GNA12: variants seen among roughly 807,000 people sequenced by gnomAD.
GNA12 encodes guanine nucleotide-binding protein subunit alpha-12.
GNA12 carries 9 observed loss-of-function variants against 26.0 expected under a neutral mutation model. The ratio of observed to expected loss-of-function variants is 0.35; its 90% CI spans 0.21 to 0.60. GNA12 has a LOEUF of 0.60. GNA12 is among the 20% of genes least tolerant of loss of function. The pLI is 0.78. For synonymous variants in GNA12, 264 were observed against 219.6 expected (o/e 1.20, Z -1.79); for missense variants, 405 against 525.8 (o/e 0.77, Z 2.25).
intron 2 of GNA12, among the ~76,000 whole-genome samples, chr7:2,749,020 G>A (rs1017041025): frequency 7.2e-5 from 11 of 152,316 alleles, no homozygotes; most frequent in African/African-American, 2.2e-4. Context: ...AACAGGTGCT[G>A]GAGAGGATGT....
chr7:2,747,804 C>A (rs1433154961), intron 2 of GNA12, among the ~76,000 whole-genome samples: 1 of 152,198 alleles, frequency 6.6e-6, no homozygotes, highest in South Asian at 2.1e-4. Context: ...TCTCCTTAAG[C>A]TGATAAGCAA....
chr7:2,837,481 C>G (rs1031782240), intron 1 of GNA12, among the ~76,000 whole-genome samples: 1 of 152,214 alleles, frequency 6.6e-6, no homozygotes, highest in Non-Finnish European at 1.5e-5. Flanking sequence ...TGTACAGATT[C>G]AAGAAGCCAA....
intron 1 of GNA12, among the ~76,000 whole-genome samples, chr7:2,806,817 G>A (rs1247563714): frequency 1.3e-5 from 2 of 152,158 alleles, no homozygotes; most frequent in East Asian, 3.9e-4. Flanking sequence ...TCTTTCCAGT[G>A]TATGGAAAGA....
chr7:2,834,544 T>C (rs1046365351), intron 1 of GNA12, among the ~76,000 whole-genome samples: 53 of 152,188 alleles, frequency 3.5e-4, no homozygotes, highest in African/African-American at 1.2e-3. Context: ...GGAGATTTTG[T>C]TGAACTTGAT....
At chr7:2,803,817 C>G (rs1247802802) in intron 1 of GNA12, among the ~76,000 whole-genome samples, 1 of 150,288 alleles carries the variant, frequency 6.7e-6, no homozygotes, top group Non-Finnish European at 1.5e-5. Flanking sequence ...ACAAAACAAA[C>G]AAACAAAAAA....
intron 2 of GNA12, among the ~76,000 whole-genome samples, chr7:2,764,380 G>C (rs1462872410): frequency 6.6e-6 from 1 of 152,062 alleles, no homozygotes. Context: ...CCCGCATCCA[G>C]GCAGTCTGGT....
At chr7:2,762,599 A>G in intron 2 of GNA12, 5 of 1,514,026 alleles carry the variant, frequency 3.3e-6, no homozygotes, top group Non-Finnish European at 4.4e-6. Flanking sequence ...AACCCAAAAA[A>G]GGACAATCCC....
intron 2 of GNA12, among the ~76,000 whole-genome samples, chr7:2,741,114 G>GT (rs369912810): frequency 2.0e-5 from 3 of 152,210 alleles, no homozygotes; most frequent in African/African-American, 7.2e-5. Flanking sequence ...TTCTTCATTT[G>GT]TATCACAGGG....
intron 2 of GNA12, among the ~76,000 whole-genome samples, chr7:2,776,393 C>T (rs1207245598): frequency 2.0e-5 from 3 of 152,222 alleles, no homozygotes; most frequent in African/African-American, 7.2e-5. Context: ...AGGGGACACA[C>T]TGTACATCCC....
intron 1 of GNA12, among the ~76,000 whole-genome samples, chr7:2,827,060 C>T (rs2114968998): frequency 6.6e-6 from 1 of 152,246 alleles, no homozygotes; most frequent in South Asian, 2.1e-4. Flanking sequence ...GTATTTTCTG[C>T]TCAGTTTTTC....
At chr7:2,835,617 C>T (rs552264961) in intron 1 of GNA12, 294 of 720,280 alleles carry the variant, frequency 4.1e-4, no homozygotes, top group South Asian at 2.7e-3. Context: ...TCTCCAGTCC[C>T]GAGATGGTGG....
rs1482485584 is a variant in GNA12, at chr7:2,733,432, G to A, written c.576+19C>T. On this transcript the variant is annotated intron_variant, in intron 3 of 3. Coordinates refer to ENST00000275364, the MANE Select transcript of GNA12 (RefSeq NM_007353.3). ...CTAACCCTGGAGCCCAGCTTCTTCG[G>A]GCGGGCGTGCTTACTCACCAGCTGG... 6.2e-6 allele frequency: 10 copies of A among 1,610,708 alleles called. No individual in the cohort carries two copies. The highest frequency in any genetic ancestry group is 8.5e-6 in the Non-Finnish European group (10 of 1,177,470).
At chr7:2,816,248 T>A (rs1793216029) in intron 1 of GNA12, among the ~76,000 whole-genome samples, 1 of 152,150 alleles carries the variant, frequency 6.6e-6, no homozygotes, top group Non-Finnish European at 1.5e-5. Context: ...TCCTTTTTTT[T>A]TGAGATAGTC....
intron 2 of GNA12, among the ~76,000 whole-genome samples, chr7:2,748,745 T>C (rs1324556777): frequency 6.6e-6 from 1 of 152,062 alleles, no homozygotes; most frequent in East Asian, 1.9e-4. Flanking sequence ...GGGAGAAAAT[T>C]TTTGCAACCT....
chr7:2,787,581 C>T (rs890352402), intron 2 of GNA12, among the ~76,000 whole-genome samples: 5 of 152,346 alleles, frequency 3.3e-5, no homozygotes, highest in East Asian at 1.9e-4. Flanking sequence ...TTCCGGGAAA[C>T]GCCACTCTGG....
chr7:2,744,530 A>G (rs1490169439), intron 2 of GNA12, among the ~76,000 whole-genome samples: 1 of 152,210 alleles, frequency 6.6e-6, no homozygotes, highest in Non-Finnish European at 1.5e-5. Flanking sequence ...CGTCACCATC[A>G]TCAAAGACCA....
chr7:2,807,516 C>T (rs1792977722), intron 1 of GNA12, among the ~76,000 whole-genome samples: 1 of 151,256 alleles, frequency 6.6e-6, no homozygotes, highest in East Asian at 1.9e-4. Context: ...GGGAGATTTA[C>T]TATTAATTAC....
At chr7:2,754,952 A>G (rs1791220331) in intron 2 of GNA12, among the ~76,000 whole-genome samples, 1 of 152,156 alleles carries the variant, frequency 6.6e-6, no homozygotes, top group South Asian at 2.1e-4. Context: ...ACTCAGTTTG[A>G]ATTAATTTTG....
intron 1 of GNA12, among the ~76,000 whole-genome samples, chr7:2,828,633 A>G (rs1793535825): frequency 6.6e-6 from 1 of 152,248 alleles, no homozygotes; most frequent in African/African-American, 2.4e-5. Context: ...TTAGGACGCT[A>G]CGTTAAAACA....
Sources: allele counts gnomAD v4.1 joint callset (sites outside exome capture counted in the v4.1 genomes callset), GRCh38; gene constraint gnomAD v4.1.1; transcripts MANE v1.5; gene names NCBI Gene and HGNC (gene_info 2026-07-23, HGNC 2026-07-21).